PDLIM5: variants seen among roughly 807,000 people sequenced by gnomAD.
The protein encoded by PDLIM5 is PDZ and LIM domain protein 5.
In PDLIM5, 34 loss-of-function variants were observed where a neutral mutation model predicts 64.2. The observed-to-expected ratio is 0.53, with a 90% CI of 0.40 to 0.71. The LOEUF (loss-of-function observed/expected upper bound fraction) is 0.71. PDLIM5 is among the 30% of genes least tolerant of loss of function. PDLIM5 has a pLI of 0.00. For synonymous variants in PDLIM5, 253 were observed against 269.1 expected (o/e 0.94, Z 0.59); for missense variants, 683 against 733.6 (o/e 0.93, Z 0.80).
intron 7 of PDLIM5, among the ~76,000 whole-genome samples, chr4:94,590,189 T>C (rs540691934): frequency 1.3e-5 from 2 of 152,250 alleles, no homozygotes; most frequent in Admixed American, 6.5e-5. Context: ...AAGCATTCTT[T>C]CGTGCATCAT....
chr4:94,506,724 A>T (rs1293892035), intron 2 of PDLIM5, among the ~76,000 whole-genome samples: 1 of 152,094 alleles, frequency 6.6e-6, no homozygotes, highest in Non-Finnish European at 1.5e-5. Flanking sequence ...ACTTGGTTGG[A>T]TTGAAGGATG....
At chr4:94,649,256 G>A (rs141058442) in intron 9 of PDLIM5, among the ~76,000 whole-genome samples, 229 of 152,216 alleles carry the variant, frequency 1.5e-3, no homozygotes, top group Middle Eastern at 6.8e-3. Flanking sequence ...GATTACAGGC[G>A]TGAGCCACCA....
intron 5 of PDLIM5, among the ~76,000 whole-genome samples, chr4:94,578,929 C>G (rs570678284): frequency 1.3e-5 from 2 of 152,060 alleles, no homozygotes; most frequent in Non-Finnish European, 1.5e-5. Context: ...ACCAGGAGGA[C>G]TATTAGTTTT....
chr4:94,467,214 A>G (rs1724444325), intron 2 of PDLIM5, among the ~76,000 whole-genome samples: 1 of 152,250 alleles, frequency 6.6e-6, no homozygotes. Flanking sequence ...ATTAATGATC[A>G]CAGTGGTAAT....
At chr4:94,504,800 T>C in intron 2 of PDLIM5, among the ~76,000 whole-genome samples, 1 of 152,192 alleles carries the variant, frequency 6.6e-6, no homozygotes, top group East Asian at 1.9e-4. Context: ...TTGAAGACTG[T>C]TTTTATTTTT....
chr4:94,547,260 C>A (rs1159672658), intron 3 of PDLIM5, among the ~76,000 whole-genome samples: 1 of 152,086 alleles, frequency 6.6e-6, no homozygotes, highest in Non-Finnish European at 1.5e-5. Flanking sequence ...CTGAAATGGG[C>A]TTCACTAGGC....
chr4:94,608,597 C>A, intron 7 of PDLIM5, among the ~76,000 whole-genome samples: 1 of 152,194 alleles, frequency 6.6e-6, no homozygotes, highest in Non-Finnish European at 1.5e-5. Context: ...GATACTAAAT[C>A]CTTTTCTATT....
rs371717002 is a variant in PDLIM5 at position 94,573,352 on chromosome 4, G to A, written c.250G>A (p.Ala84Thr). 36 of 1,608,704 alleles carry A rather than the reference G, an allele frequency of 2.2e-5. No individual in the cohort carries two copies. Among genetic ancestry groups the A allele is most frequent in the Non-Finnish European group, 3.1e-5 (36 of 1,177,708 alleles). ...CTTTTTCTTTCTTTTTTTCCTCAGA[G>A]CATCTGCTGCACCCAAGCCTGAGCC... ...TGSLNMTLQRASAAPKPEPVP... is the reference protein window; with the variant it reads ...TGSLNMTLQRTSAAPKPEPVP... Residue 84 changes from alanine (A) to threonine (T), a missense_variant and splice_region_variant, in exon 4 of 13, where the codon GCA (alanine) becomes ACA (threonine). Ala to Thr is a moderately conservative substitution (Grantham distance 58). Coordinates refer to ENST00000317968, the MANE Select transcript of PDLIM5 (RefSeq NM_006457.5).
intron 8 of PDLIM5, among the ~76,000 whole-genome samples, chr4:94,626,101 A>G (rs906034231): frequency 2.6e-5 from 4 of 152,332 alleles, no homozygotes; most frequent in African/African-American, 7.2e-5. Flanking sequence ...GGGAAAAAAC[A>G]CAAACTTGCT....
In PDLIM5 at chr4:94,664,406, T is replaced by G; in HGVS notation, c.*339T>G. 1 of 771,628 alleles carries G rather than the reference T, an allele frequency of 1.3e-6. No individual in the cohort carries two copies. Among genetic ancestry groups the G allele is most frequent in the Non-Finnish European group, 1.6e-6 (1 of 633,972 alleles). 47.8% of individuals were successfully genotyped at this position (771,628 alleles called of 1,614,324 possible). ...AATCCAATCTGAAATAATTATACCT[T>G]CTTTCCTTGTTAGGTAGTTATGAGT... On this transcript the variant is annotated 3_prime_UTR_variant, in exon 13 of 13. Transcript: ENST00000317968.
intron 7 of PDLIM5, chr4:94,587,208 T>TA: frequency 6.9e-7 from 1 of 1,457,730 alleles, no homozygotes; most frequent in Non-Finnish European, 9.0e-7. Context: ...TATACTTTTC[T>TA]AACAATTTCC....
chr4:94,562,503 G>T (rs560807090), intron 3 of PDLIM5, among the ~76,000 whole-genome samples: 1 of 152,126 alleles, frequency 6.6e-6, no homozygotes, highest in Non-Finnish European at 1.5e-5. Context: ...TAAACTGTTT[G>T]TTCCTGGTCT....
chr4:94,630,064 AATAGTATGCAAGCATG>A (rs1264026419), intron 8 of PDLIM5, among the ~76,000 whole-genome samples: 1 of 152,194 alleles, frequency 6.6e-6, no homozygotes, highest in Non-Finnish European at 1.5e-5. Flanking sequence ...TGCTGCACAC[AATAGTATGCAAGCATG>A]TTGCCATGAC....
intron 3 of PDLIM5, chr4:94,549,673 A>T (rs1392903998): frequency 1.3e-5 from 2 of 152,210 alleles, no homozygotes; most frequent in African/African-American, 4.8e-5. Context: ...TGTGCGTAGT[A>T]TCTGTGTACG....
chr4:94,507,729 T>C (rs1364698087), intron 2 of PDLIM5, among the ~76,000 whole-genome samples: 1 of 152,230 alleles, frequency 6.6e-6, no homozygotes, highest in African/African-American at 2.4e-5. Flanking sequence ...TTGTTCTCTC[T>C]AACAGAAATG....
At chr4:94,530,598 GTT>G (rs1730784920) in intron 3 of PDLIM5, among the ~76,000 whole-genome samples, 1 of 148,898 alleles carries the variant, frequency 6.7e-6, no homozygotes, top group South Asian at 2.1e-4. Context: ...CATGTCTGTG[GTT>G]TTTTAAAATT....
chr4:94,511,582 A>G (rs1426887942), intron 2 of PDLIM5, among the ~76,000 whole-genome samples: 2 of 128,706 alleles, frequency 1.6e-5, no homozygotes, highest in East Asian at 2.4e-4. Context: ...TTTTTTACTC[A>G]TCAGACATCC....
intron 7 of PDLIM5, among the ~76,000 whole-genome samples, chr4:94,604,237 G>A (rs1428227026): frequency 2.0e-5 from 3 of 152,218 alleles, no homozygotes; most frequent in African/African-American, 4.8e-5. Context: ...CAGACACTAA[G>A]TAAAATGAGG....
intron 7 of PDLIM5, among the ~76,000 whole-genome samples, chr4:94,592,592 A>G (rs1432708812): frequency 6.6e-6 from 1 of 152,166 alleles, no homozygotes; most frequent in Non-Finnish European, 1.5e-5. Flanking sequence ...GAATGACTGC[A>G]TTGAGTGTAA....
Sources: allele counts gnomAD v4.1 joint callset (sites outside exome capture counted in the v4.1 genomes callset), GRCh38; gene constraint gnomAD v4.1.1; transcripts MANE v1.5; gene names NCBI Gene and HGNC (gene_info 2026-07-23, HGNC 2026-07-21).